TANGO2: variants seen among roughly 807,000 people sequenced by gnomAD.
TANGO2 encodes transport and Golgi organization protein 2 homolog.
In TANGO2, 26 loss-of-function variants were observed where a neutral mutation model predicts 39.1. The ratio of observed to expected loss-of-function variants is 0.67; its 90% CI spans 0.49 to 0.92. The LOEUF is 0.92. Among genes scored for constraint, TANGO2 ranks in the 40% least tolerant of loss-of-function variants. The pLI is 0.00. For missense variants in TANGO2, 326 were observed against 360.1 expected (o/e 0.91, Z 0.77); for synonymous variants, 131 against 144.5 (o/e 0.91, Z 0.67).
At chr22:20,059,505 G>A (rs2147749588) in intron 6 of TANGO2, among the ~76,000 whole-genome samples, 1 of 152,338 alleles carries the variant, frequency 6.6e-6, no homozygotes, top group African/African-American at 2.4e-5. Flanking sequence ...CACCAGCAGT[G>A]TATGCGGGTT....
chr22:20,042,531 A>G (rs1355225310), intron 2 of TANGO2, among the ~76,000 whole-genome samples: 2 of 152,148 alleles, frequency 1.3e-5, no homozygotes, highest in Non-Finnish European at 2.9e-5. Flanking sequence ...TCGGAGGCCG[A>G]GGCGGGTAGA....
chr22:20,034,412 T>C (rs1235553360), intron 1 of TANGO2, among the ~76,000 whole-genome samples: 1 of 152,194 alleles, frequency 6.6e-6, no homozygotes, highest in Non-Finnish European at 1.5e-5. Context: ...ATGTACTGCT[T>C]CTGGTCTTTG....
Position 20,064,705 on chromosome 22 carries a change from C to T in TANGO2, c.*43C>T, listed in dbSNP as rs1039104383. On this transcript the variant is annotated 3_prime_UTR_variant, in exon 9 of 9. Transcript: ENST00000327374. The stretch of plus-strand genomic sequence containing the variant: ...GCCAGTGGGCTCCTGGGGGGCCCTG[C>T]CTTGAGGGGCACTGTGGACAGGAAA... The T allele has an allele frequency of 6.2e-7, 1 of 1,608,812 alleles. No homozygotes were observed. Among genetic ancestry groups the T allele is most frequent in the African/African-American group, 1.3e-5 (1 of 74,778 alleles).
intron 1 of TANGO2, among the ~76,000 whole-genome samples, chr22:20,031,169 G>A (rs143984612): frequency 0.024 from 3,613 of 151,494 alleles, 154 homozygotes; most frequent in African/African-American, 0.083. Context: ...CTGCACTCCA[G>A]CCTAGGTGAC....
Position 20,063,443 on chromosome 22 carries a change from G to A in TANGO2, c.710+1G>A, listed in dbSNP as rs772966257. 4 of 1,611,564 alleles carry A rather than the reference G, an allele frequency of 2.5e-6. No homozygotes were observed. Among genetic ancestry groups the A allele is most frequent in the Non-Finnish European group, 3.4e-6 (4 of 1,178,716 alleles). ...TGCGCTGCCCTGGCTACGGCACCAG[G>A]TATTGCAGCACCGTGGGTGCGCCAC... On this transcript the variant is annotated splice_donor_variant, in intron 8 of 8. Transcript: ENST00000327374. LOFTEE classifies it high-confidence loss of function.
intron 2 of TANGO2, chr22:20,037,086 C>G: frequency 6.5e-7 from 1 of 1,529,602 alleles, no homozygotes; most frequent in Non-Finnish European, 8.8e-7. Context: ...CCACAGAAGG[C>G]AGCCACAGGT....
chr22:20,053,042 C>T (rs1448009708), intron 4 of TANGO2, among the ~76,000 whole-genome samples: 1 of 152,106 alleles, frequency 6.6e-6, no homozygotes, highest in Non-Finnish European at 1.5e-5. Flanking sequence ...CCTCTCAGGG[C>T]GCACTCTCCC....
chr22:20,056,979 G>T (rs1394033510), intron 6 of TANGO2: 2 of 455,886 alleles, frequency 4.4e-6, no homozygotes, highest in Admixed American at 4.7e-5. Context: ...ACACCCCTCT[G>T]TGAGGGGGCT....
rs377447080 is a variant in TANGO2, at chr22:20,061,626, C to T, written c.548C>T (p.Ala183Val). The change falls in exon 7 of 9, where the codon GCG (alanine) becomes GTG (valine). Residue 183 changes from alanine (A) to valine (V), a missense_variant. Transcript: ENST00000327374. ...CTGGAGGCTGTGGAACGGAGCCAGG[C>T]GCTGCCCAAGGATGTGCTCATCGCC... ...LFLEAVERSQ[A>V]LPKDVLIASL... The T allele has an allele frequency of 1.0e-4, 159 of 1,572,412 alleles. 1 individual carries two copies. Among genetic ancestry groups the T allele is most frequent in the Non-Finnish European group, 1.3e-4 (150 of 1,158,326 alleles).
chr22:20,049,609 G>A lies in TANGO2; in HGVS notation c.146-2856G>A, dbSNP rs563640629. On this transcript the variant is annotated intron_variant, in intron 3 of 8. Transcript: ENST00000327374. Reference sequence around the variant, plus strand: ...CGGGAGGCGGAGGTTGCGGTGAGCTGAGATCACGCCATTGCACTCCAGCCT... The same window carrying A: ...CGGGAGGCGGAGGTTGCGGTGAGCTAAGATCACGCCATTGCACTCCAGCCT... Among the ~76,000 whole-genome samples, 114 of 149,488 alleles carry A rather than the reference G, an allele frequency of 7.6e-4. 1 individual carries two copies. The highest frequency in any genetic ancestry group is 7.4e-3 in the Admixed American group (110 of 14,930).
chr22:20,020,815 G>A (rs1434018768), upstream of TANGO2, among the ~76,000 whole-genome samples: 1 of 152,168 alleles, frequency 6.6e-6, no homozygotes, highest in Non-Finnish European at 1.5e-5. Flanking sequence ...TGAGGGCATG[G>A]ACTCAGGGGC....
chr22:20,018,852 G>C (rs992379173), upstream of TANGO2, among the ~76,000 whole-genome samples: 3 of 152,184 alleles, frequency 2.0e-5, no homozygotes, highest in African/African-American at 7.2e-5. Context: ...GGCCAAGGCA[G>C]GCAAATCACC....
At chr22:20,055,492 G>A (rs1165806984) in intron 5 of TANGO2, 4 of 224,042 alleles carry the variant, frequency 1.8e-5, no homozygotes, top group African/African-American at 4.5e-5. Flanking sequence ...GGTCTTTGGC[G>A]CTTTCTTTGG....
At chr22:20,024,354 C>T (rs1311028758) in intron 1 of TANGO2, among the ~76,000 whole-genome samples, 1 of 152,210 alleles carries the variant, frequency 6.6e-6, no homozygotes, top group East Asian at 1.9e-4. Context: ...ACTTTCTTCG[C>T]CCAGGCCCCG....
chr22:20,049,779 A>G lies in TANGO2; in HGVS notation c.146-2686A>G, dbSNP rs2045946774. On this transcript the variant is annotated intron_variant, in intron 3 of 8. Transcript: ENST00000327374. ...CATAGATATTTCAGCCAGTCTGTTA[A>G]TTGCTATAAAACGAAAAGCCCCCTG... 2.0e-5 allele frequency among the ~76,000 whole-genome samples: 3 copies of G among 152,146 alleles called. No homozygotes were observed. In the South Asian group the frequency reaches 6.2e-4, roughly 32 times the overall value.
At chr22:20,051,154 C>T (rs991473261) in intron 3 of TANGO2, among the ~76,000 whole-genome samples, 3 of 151,882 alleles carry the variant, frequency 2.0e-5, no homozygotes, top group Non-Finnish European at 4.4e-5. Flanking sequence ...AGTCACCGCA[C>T]GGGGCCACAA....
chr22:20,053,358 A>C, intron 4 of TANGO2, 79 bp from the exon 5 acceptor site: 5 of 947,490 alleles, frequency 5.3e-6, no homozygotes, highest in Non-Finnish European at 6.8e-6. Context: ...CATCCTCCCC[A>C]GGGGGCCCCA....
At chr22:20,061,187 CT>C (rs2048317026) in intron 6 of TANGO2, 1 of 190,276 alleles carries the variant, frequency 5.3e-6, no homozygotes, top group Non-Finnish European at 1.1e-5. Context: ...GCCCCCCAAC[CT>C]GGCGTGAGGT....
At chr22:20,056,870 TG>T (rs1569324740) in intron 6 of TANGO2, 2 of 456,650 alleles carry the variant, frequency 4.4e-6, no homozygotes, top group South Asian at 3.1e-5. Flanking sequence ...CGTGGAACTC[TG>T]TGCCTTAAAC....
Sources: allele counts gnomAD v4.1 joint callset (sites outside exome capture counted in the v4.1 genomes callset), GRCh38; gene constraint gnomAD v4.1.1; transcripts MANE v1.5; gene names NCBI Gene and HGNC (gene_info 2026-07-23, HGNC 2026-07-21).